LRRC14: variants seen among roughly 807,000 people sequenced by gnomAD.
LRRC14 encodes leucine rich repeat containing 14, also known as leucine-rich repeat-containing protein 14.
A neutral mutation model predicts 25.3 loss-of-function variants in LRRC14; 16 were observed. The observed-to-expected ratio is 0.63, with a 90% CI of 0.43 to 0.96. The LOEUF (loss-of-function observed/expected upper bound fraction) is 0.96. LRRC14 is among the 40% of genes least tolerant of loss of function. The probability of loss-of-function intolerance (pLI) is 0.00; values close to 1 mark genes in which losing one functional copy is unlikely to be tolerated. For missense variants in LRRC14, 594 were observed against 660.5 expected (o/e 0.90, Z 1.10); for synonymous variants, 359 against 295.1 (o/e 1.22, Z -2.22).
rs768405674 is a variant in LRRC14 at position 144,524,151 on chromosome 8, G to A, written c.*2673G>A. 1 of 1,609,412 alleles carries A rather than the reference G, an allele frequency of 6.2e-7. No individual in the cohort carries two copies. The highest frequency in any genetic ancestry group is 1.1e-5 in the South Asian group (1 of 91,022). The stretch of plus-strand genomic sequence containing the variant: ...TTGCAGACTGGCCAGGGGCTGCAGG[G>A]CCTCTCGGCTGATGGTGCCCAGCTG... On this transcript the variant is annotated 3_prime_UTR_variant, in exon 4 of 4. Coordinates refer to ENST00000292524, the MANE Select transcript of LRRC14 (RefSeq NM_014665.4).
rs776873866 is a variant in LRRC14, at chr8:144,524,280, TGAAGTAAGGACA to T, written c.*2804_*2815del. The T allele has an allele frequency of 1.2e-6, 2 of 1,611,424 alleles. No homozygotes were observed. Among genetic ancestry groups the T allele is most frequent in the Non-Finnish European group, 8.5e-7 (1 of 1,179,908 alleles). Reference sequence around the variant, plus strand: ...TTGCAGGTGAAGCTCCTGCAGTCGCTGAAGTAAGGACAGCAGATCGTGAGGAAAAAGGGCGCC... The same window carrying T: ...TTGCAGGTGAAGCTCCTGCAGTCGCTGCAGATCGTGAGGAAAAAGGGCGCC... On this transcript the variant is annotated 3_prime_UTR_variant, in exon 4 of 4. Transcript: ENST00000292524.
chr8:144,521,173 G>C lies in LRRC14; in HGVS notation c.1177G>C (p.Ala393Pro), dbSNP rs1457231623. 1 of 1,613,136 alleles carries C rather than the reference G, an allele frequency of 6.2e-7. No individual in the cohort carries two copies. The highest frequency in any genetic ancestry group is 1.1e-5 in the South Asian group (1 of 91,084). ...CACACTACCCATCCTGACTCAGTGC[G>C]CCAGTCTCCGGTACCTTGGCCTCTA... Reference protein sequence around the residue: ...LATLPILTQCASLRYLGLYGN... With the variant: ...LATLPILTQCPSLRYLGLYGN... The change falls in exon 4 of 4, where the codon GCC (alanine) becomes CCC (proline). Residue 393 changes from alanine to proline, a missense_variant. By Grantham distance (27) the Ala-to-Pro change is conservative (BLOSUM62 -1). Coordinates refer to ENST00000292524, the MANE Select transcript of LRRC14 (RefSeq NM_014665.4).
Position 144,522,966 on chromosome 8 carries a change from C to T in LRRC14, c.*1488C>T. On this transcript the variant is annotated 3_prime_UTR_variant, in exon 4 of 4. Coordinates refer to ENST00000292524, the MANE Select transcript of LRRC14 (RefSeq NM_014665.4). ...CGGAAGGGCACGCGGGCAGCGCCGC[C>T]GGCGTTGGAGGCCTCGCACTCGTAC... 6.3e-7 allele frequency: 1 copy of T among 1,580,922 alleles called. No homozygotes were observed. The highest frequency in any genetic ancestry group is 1.1e-5 in the South Asian group (1 of 89,388).
Position 144,520,147 on chromosome 8 carries a change from G to A in LRRC14, c.330-91G>A, listed in dbSNP as rs901224909. 8.3e-6 allele frequency: 13 copies of A among 1,566,578 alleles called. No homozygotes were observed. In the African/African-American group the frequency reaches 1.1e-4, roughly 13 times the overall value. On this transcript the variant is annotated intron_variant, in intron 2 of 3. Transcript: ENST00000292524. Reference sequence around the variant, plus strand: ...CATAAAGTTAGCAAGAGCTCATGCAGGAGCAGGCGCGTTGCTCCTGTCCCA... The same window carrying A: ...CATAAAGTTAGCAAGAGCTCATGCAAGAGCAGGCGCGTTGCTCCTGTCCCA...
chr8:144,524,768 C>T lies in LRRC14; in HGVS notation c.*3290C>T. 1.4e-6 allele frequency: 2 copies of T among 1,433,776 alleles called. No homozygotes were observed. Among genetic ancestry groups the T allele is most frequent in the South Asian group, 1.4e-5 (1 of 69,038 alleles). The allele number at this position is 1,433,776 out of a possible 1,614,324, so 88.8% of individuals were successfully genotyped here. ...CGCTTACCCCGTTGCGGGGGTCTTCCTCTCCCTGGGGGCACCCCGTCCTCC... is the reference window on the plus strand; with the variant it reads ...CGCTTACCCCGTTGCGGGGGTCTTCTTCTCCCTGGGGGCACCCCGTCCTCC... On this transcript the variant is annotated 3_prime_UTR_variant, in exon 4 of 4. Transcript: ENST00000292524.
chr8:144,523,181 A>G lies in LRRC14; in HGVS notation c.*1703A>G. 1 of 1,609,856 alleles carries G rather than the reference A, an allele frequency of 6.2e-7. No individual in the cohort carries two copies. The highest frequency in any genetic ancestry group is 8.5e-7 in the Non-Finnish European group (1 of 1,178,806). On this transcript the variant is annotated 3_prime_UTR_variant, in exon 4 of 4. Transcript: ENST00000292524. The stretch of plus-strand genomic sequence containing the variant: ...CGGGTAGCCGGAGGCTTGGCAGGCA[A>G]CCCGCAGGTCCTCACCCAGGTTGGC...
chr8:144,519,280 A>T (rs1815781361), intron 1 of LRRC14: 1 of 232,962 alleles, frequency 4.3e-6, no homozygotes, highest in Admixed American at 5.0e-5. Context: ...TCCCGTCAAT[A>T]CTAATGCTGA....
In LRRC14 at chr8:144,524,345, C is replaced by T; in HGVS notation, c.*2867C>T. 6.3e-7 allele frequency: 1 copy of T among 1,598,076 alleles called. No homozygotes were observed. The highest frequency in any genetic ancestry group is 8.5e-7 in the Non-Finnish European group (1 of 1,178,300). On this transcript the variant is annotated 3_prime_UTR_variant, in exon 4 of 4. Transcript: ENST00000292524. ...GGTTGGGGGCATGTCTCTCTTCTTACCAAGCTAGACTGGGTTGCCTTTTCT... is the reference window on the plus strand; with the variant it reads ...GGTTGGGGGCATGTCTCTCTTCTTATCAAGCTAGACTGGGTTGCCTTTTCT...
At chr8:144,518,210 G>T (rs1051223959) in intron 1 of LRRC14, among the ~76,000 whole-genome samples, 169 bp downstream of exon 1, 2 of 152,212 alleles carry the variant, frequency 1.3e-5, no homozygotes, top group African/African-American at 4.8e-5. Flanking sequence ...GTGCCACCGC[G>T]GGCCGGGAAG....
Position 144,522,584 on chromosome 8 carries a change from G to T in LRRC14, c.*1106G>T. On this transcript the variant is annotated 3_prime_UTR_variant, in exon 4 of 4. Coordinates refer to ENST00000292524, the MANE Select transcript of LRRC14 (RefSeq NM_014665.4). ...CTCCGCCGGACCCTCGGCGAAGAGC[G>T]GCTTGGAGCGGTTGATGACGAACAT... 1 of 1,558,302 alleles carries T rather than the reference G, an allele frequency of 6.4e-7. No homozygotes were observed.
chr8:144,523,960 T>C lies in LRRC14; in HGVS notation c.*2482T>C. The C allele has an allele frequency of 1.1e-6, 1 of 891,844 alleles. No individual in the cohort carries two copies. Among genetic ancestry groups the C allele is most frequent in the Non-Finnish European group, 1.7e-6 (1 of 579,996 alleles). The allele number at this position is 891,844 out of a possible 1,614,324, so 55.2% of individuals were successfully genotyped here. ...GAGCTGTATTCCCCAGCACACCCAC[T>C]CCCGCAGCCCTCCAGTGTGGCTGCA... On this transcript the variant is annotated 3_prime_UTR_variant, in exon 4 of 4. Transcript: ENST00000292524.
rs1364399042 is a variant in LRRC14 at position 144,523,280 on chromosome 8, C to G, written c.*1802C>G. The stretch of plus-strand genomic sequence containing the variant: ...GCTGCTGTGGGATACGTCCAGGAGA[C>G]TCTGGAGCGCCAGGCGCGGGGGCTC... On this transcript the variant is annotated 3_prime_UTR_variant, in exon 4 of 4. Coordinates refer to ENST00000292524, the MANE Select transcript of LRRC14 (RefSeq NM_014665.4). 6.2e-7 allele frequency: 1 copy of G among 1,610,946 alleles called. No homozygotes were observed. Among genetic ancestry groups the G allele is most frequent in the Non-Finnish European group, 8.5e-7 (1 of 1,179,164 alleles).
At position 144,522,636 on chromosome 8, in the gene LRRC14, C is replaced by CGAA. The variant is rs1564823393; in HGVS notation, c.*1158_*1159insGAA. On this transcript the variant is annotated 3_prime_UTR_variant, in exon 4 of 4. Transcript: ENST00000292524. Reference sequence around the variant, plus strand: ...TCGTGGCCGCGCTCGTCGCGGAGCTCCTCTAGCTGTGCGAACGTACAGGGG... The same window carrying CGAA: ...TCGTGGCCGCGCTCGTCGCGGAGCTCGAACTCTAGCTGTGCGAACGTACAGGGG... 6.3e-7 allele frequency: 1 copy of CGAA among 1,583,414 alleles called. No homozygotes were observed. The highest frequency in any genetic ancestry group is 1.8e-5 in the Admixed American group (1 of 56,942).
In LRRC14 at chr8:144,524,373, C is replaced by T; in HGVS notation, c.*2895C>T. On this transcript the variant is annotated 3_prime_UTR_variant, in exon 4 of 4. Coordinates refer to ENST00000292524, the MANE Select transcript of LRRC14 (RefSeq NM_014665.4). Reference sequence around the variant, plus strand: ...AGCTAGACTGGGTTGCCTTTTCTAACTATTCCAGCCCTACAGGGCGAGGGG... The same window carrying T: ...AGCTAGACTGGGTTGCCTTTTCTAATTATTCCAGCCCTACAGGGCGAGGGG... The T allele has an allele frequency of 2.5e-6, 4 of 1,593,736 alleles. No individual in the cohort carries two copies. The South Asian group carries it at 3.3e-5, about 13-fold the overall frequency.
At position 144,525,168 on chromosome 8, in the gene LRRC14, T is replaced by C; in HGVS notation, c.*3690T>C. On this transcript the variant is annotated 3_prime_UTR_variant, in exon 4 of 4. Coordinates refer to ENST00000292524, the MANE Select transcript of LRRC14 (RefSeq NM_014665.4). ...CTAATAAAACGTTCTGGTTTTCTCC[T>C]TTGACAAAAACATTTTCTTAAAGCT... 3.8e-6 allele frequency: 2 copies of C among 531,544 alleles called. No individual in the cohort carries two copies. Among genetic ancestry groups the C allele is most frequent in the Non-Finnish European group, 5.9e-6 (2 of 339,632 alleles). 32.9% of individuals were successfully genotyped at this position (531,544 alleles called of 1,614,324 possible). A position where few individuals can be genotyped will look rare whatever the true frequency, so the allele number is the denominator to read the frequency against.
Position 144,520,644 on chromosome 8 carries a change from C to A in LRRC14, c.736C>A (p.Arg246Ser). The change falls in exon 3 of 4, where the codon CGC becomes AGC. Residue 246 changes from arginine to serine, a missense_variant. By Grantham distance (110) the Arg-to-Ser change is moderately radical (BLOSUM62 -1). Coordinates refer to ENST00000292524, the MANE Select transcript of LRRC14 (RefSeq NM_014665.4). Reference sequence around the variant, plus strand: ...GTCTGTGATCATCCCACACGTGGCCCGCTTCCAGCACCTGGCCAGCCTGCG... The same window carrying A: ...GTCTGTGATCATCCCACACGTGGCCAGCTTCCAGCACCTGGCCAGCCTGCG... Reference protein sequence around the residue: ...GLSVIIPHVARFQHLASLRLH... With the variant: ...GLSVIIPHVASFQHLASLRLH... 1 of 1,601,900 alleles carries A rather than the reference C, an allele frequency of 6.2e-7. No homozygotes were observed. Among genetic ancestry groups the A allele is most frequent in the Non-Finnish European group, 8.5e-7 (1 of 1,179,962 alleles).
chr8:144,518,584 G>A (rs191794307), intron 1 of LRRC14: 1 of 152,378 alleles, frequency 6.6e-6, no homozygotes, highest in Non-Finnish European at 1.5e-5. Context: ...TTGGTGTCTG[G>A]GACTTTTCAG....
intron 2 of LRRC14, 41 bp from the exon 3 acceptor site, chr8:144,520,197 G>A (rs763471849): frequency 6.3e-6 from 10 of 1,588,092 alleles, no homozygotes; most frequent in Admixed American, 5.1e-5. Flanking sequence ...GGGTATGGGC[G>A]CTGCCCCTCC....
chr8:144,523,321 C>T lies in LRRC14; in HGVS notation c.*1843C>T, dbSNP rs780202402. The T allele has an allele frequency of 3.0e-5, 49 of 1,608,334 alleles. No homozygotes were observed. The highest frequency in any genetic ancestry group is 4.0e-5 in the Non-Finnish European group (47 of 1,177,112). On this transcript the variant is annotated 3_prime_UTR_variant, in exon 4 of 4. Coordinates refer to ENST00000292524, the MANE Select transcript of LRRC14 (RefSeq NM_014665.4). Reference sequence around the variant, plus strand: ...GCGGGGGCTCTGCACACATGATCTTCCTGTCCCTGGAGGTGAGCAGCCGCT... The same window carrying T: ...GCGGGGGCTCTGCACACATGATCTTTCTGTCCCTGGAGGTGAGCAGCCGCT...
Sources: allele counts gnomAD v4.1 joint callset (sites outside exome capture counted in the v4.1 genomes callset), GRCh38; gene constraint gnomAD v4.1.1; transcripts MANE v1.5; gene names NCBI Gene and HGNC (gene_info 2026-07-23, HGNC 2026-07-21).